NBPF3: variants seen among roughly 807,000 people sequenced by gnomAD.
NBPF3 encodes the protein NBPF family member NBPF3.
Under a neutral mutation model 78.1 loss-of-function variants are expected in NBPF3, and 57 were observed. The observed-to-expected ratio is 0.73, with a 90% CI of 0.59 to 0.91. The LOEUF (loss-of-function observed/expected upper bound fraction) is 0.91, where lower values mean the gene tolerates loss of function less well. NBPF3 is among the 40% of genes least tolerant of loss of function. The pLI is 0.00. For missense variants in NBPF3, 510 were observed against 715.3 expected (o/e 0.71, Z 3.27); for synonymous variants, 182 against 271.7 (o/e 0.67, Z 3.25).
intron 10 of NBPF3, among the ~76,000 whole-genome samples, chr1:21,479,800 C>A (rs1349757268): frequency 2.8e-5 from 2 of 70,410 alleles, no homozygotes; most frequent in African/African-American, 7.3e-5. Flanking sequence ...CTATCTCTCT[C>A]TCTCTCTCTC....
chr1:21,473,286 C>A, intron 6 of NBPF3, 94 bp from the exon 7 acceptor site: 1 of 1,435,410 alleles, frequency 7.0e-7, no homozygotes, highest in South Asian at 1.1e-5. Context: ...GGACCACTCT[C>A]TTAATGCCTC....
At chr1:21,468,317 A>G in intron 2 of NBPF3, 3 of 944,438 alleles carry the variant, frequency 3.2e-6, no homozygotes, top group Non-Finnish European at 4.1e-6. Context: ...AATGATCCCC[A>G]TTGGTGGTGA....
chr1:21,470,715 G>A lies in NBPF3; in HGVS notation c.427G>A (p.Gly143Arg), dbSNP rs764883298. 1.0e-5 allele frequency: 16 copies of A among 1,598,522 alleles called. No individual in the cohort carries two copies. In the Middle Eastern group the frequency reaches 6.7e-4, roughly 67 times the overall value. Residue 143 changes from glycine (G) to arginine (R), a missense_variant, in exon 4 of 15, where the codon GGG becomes AGG. By Grantham distance (125) the Gly-to-Arg change is moderately radical. This residue lies in a region of NBPF3 where 440 missense variants were observed against 478.2 expected (regional missense o/e 0.92). Transcript: ENST00000318249. ...AGAAGAGAAGCTTGCAGAGGAGCTC[G>A]GGCAAGCTGAGGAGCTCAGGTGAGT... ...LTEEKLAEEL[G>R]QAEELRQYKV...
chr1:21,465,004 C>CA lies in NBPF3; in HGVS notation c.134-3660dup, dbSNP rs10531760. 5.7e-3 allele frequency among the ~76,000 whole-genome samples: 563 copies of CA among 98,986 alleles called. 1 individual carries two copies. The highest frequency in any genetic ancestry group is 0.011 in the African/African-American group (262 of 23,980). 64.9% of individuals were successfully genotyped at this position (98,986 alleles called of 152,430 possible). On this transcript the variant is annotated intron_variant, in intron 2 of 14. Coordinates refer to ENST00000318249, the MANE Select transcript of NBPF3 (RefSeq NM_032264.6). ...TGGGTGACAGAATAAGACCCTGTCT[C>CA]AAAAAAAAAAAAAAAAAAAAAAAAG...
intron 1 of NBPF3, among the ~76,000 whole-genome samples, chr1:21,444,690 T>C (rs1640859530): frequency 6.6e-6 from 1 of 152,168 alleles, no homozygotes; most frequent in South Asian, 2.1e-4. Flanking sequence ...CCCGAGTAGC[T>C]GGGACTACAA....
chr1:21,437,303 G>T, upstream of NBPF3: 1 of 416,728 alleles, frequency 2.4e-6, no homozygotes, highest in Non-Finnish European at 4.3e-6. Flanking sequence ...GGGTTTGTCT[G>T]GCATCGGTGG....
intron 2 of NBPF3, among the ~76,000 whole-genome samples, chr1:21,450,813 C>T (rs1422258005): frequency 6.6e-6 from 1 of 152,170 alleles, no homozygotes; most frequent in Admixed American, 6.5e-5. Context: ...CCTCCGTCGA[C>T]CTGTGAAACT....
intron 11 of NBPF3, among the ~76,000 whole-genome samples, 181 bp downstream of exon 11, chr1:21,480,404 C>A (rs1325199909): frequency 8.9e-6 from 1 of 111,968 alleles, no homozygotes; most frequent in Non-Finnish European, 2.2e-5. Flanking sequence ...TGAAATGGGT[C>A]AGTGAGCATG....
At chr1:21,471,129 C>T (rs116128826) in intron 4 of NBPF3, among the ~76,000 whole-genome samples, 220 of 152,298 alleles carry the variant, frequency 1.4e-3, no homozygotes, top group African/African-American at 5.1e-3. Flanking sequence ...GTTACCTTCT[C>T]GAGCCTGTCA....
chr1:21,461,569 TC>T (rs1319110482), intron 2 of NBPF3, among the ~76,000 whole-genome samples: 1 of 152,172 alleles, frequency 6.6e-6, no homozygotes, highest in East Asian at 1.9e-4. Flanking sequence ...CAAAAAATTT[TC>T]CCTGCCTCAG....
rs1235592444 is a variant in NBPF3 at position 21,476,493 on chromosome 1, A to G, written c.992+1542A>G. ...CCTGGTGGTGACAAAACCTCTCAGC[A>G]TTTGCTTGTCTGTAAAGGATTTTAT... is the stretch of plus-strand genomic sequence containing the variant. On this transcript the variant is annotated intron_variant, in intron 8 of 14. Transcript: ENST00000318249. The surrounding 1 kb of genome is among the most constrained non-coding windows in gnomAD (Gnocchi z 4.1). 5.9e-5 allele frequency among the ~76,000 whole-genome samples: 9 copies of G among 152,120 alleles called. No homozygotes were observed. The highest frequency in any genetic ancestry group is 5.9e-4 in the Admixed American group (9 of 15,266).
chr1:21,481,501 T>C, intron 12 of NBPF3, 96 bp from the exon 13 acceptor site: 2 of 1,429,900 alleles, frequency 1.4e-6, no homozygotes, highest in South Asian at 1.4e-5. Context: ...CCTTTTTCTT[T>C]TTTAACCACT....
At position 21,476,437 on chromosome 1, in the gene NBPF3, G is replaced by T. The variant is rs1286266015; in HGVS notation, c.992+1486G>T. On this transcript the variant is annotated intron_variant, in intron 8 of 14. Coordinates refer to ENST00000318249, the MANE Select transcript of NBPF3 (RefSeq NM_032264.6). This position sits in a 1 kb window ranked among gnomAD's most constrained non-coding sequence, Gnocchi z 4.1. ...TACTGGTTGTTCCTTTCCATGTTTA[G>T]TGCTTCCTTCAGGAGCTCTTGCAAG... is the stretch of plus-strand genomic sequence containing the variant. Among the ~76,000 whole-genome samples, 1 of 152,136 alleles carries T rather than the reference G, an allele frequency of 6.6e-6. No homozygotes were observed. Among genetic ancestry groups the T allele is most frequent in the Non-Finnish European group, 1.5e-5 (1 of 68,034 alleles).
At chr1:21,437,499 A>G, upstream of NBPF3, 2 of 1,459,808 alleles carry the variant, frequency 1.4e-6, no homozygotes, top group East Asian at 2.5e-5. Context: ...CGCGAGGTGC[A>G]GCGGCTGCGG....
At chr1:21,454,483 CT>C (rs1392668034) in intron 2 of NBPF3, among the ~76,000 whole-genome samples, 15 of 152,140 alleles carry the variant, frequency 9.9e-5, no homozygotes, top group African/African-American at 3.6e-4. Context: ...CAAGTGTATC[CT>C]GGAAATCTTC....
intron 2 of NBPF3, among the ~76,000 whole-genome samples, chr1:21,465,402 T>G (rs1642204666): frequency 6.6e-6 from 1 of 152,252 alleles, no homozygotes; most frequent in Non-Finnish European, 1.5e-5. Context: ...TGAACTTGTA[T>G]TTGCACTGAC....
intron 2 of NBPF3, among the ~76,000 whole-genome samples, chr1:21,447,896 G>A (rs191755814): frequency 3.9e-4 from 59 of 152,220 alleles, no homozygotes; most frequent in Non-Finnish European, 4.3e-4. Context: ...ATTCCCTAAC[G>A]ACAAATGATT....
At chr1:21,463,304 G>C (rs1466547737) in intron 2 of NBPF3, among the ~76,000 whole-genome samples, 1 of 152,168 alleles carries the variant, frequency 6.6e-6, no homozygotes, top group Non-Finnish European at 1.5e-5. Context: ...TCGGGTTAAG[G>C]CCAAGCTGAA....
chr1:21,476,398 C>CCAA lies in NBPF3; in HGVS notation c.992+1447_992+1448insCAA. Reference sequence around the variant, plus strand: ...GTCTTTACAATTTGGCACGTTTTTGCAGTGGCTGGCTGGTACTGGTTGTTC... The same window carrying CCAA: ...GTCTTTACAATTTGGCACGTTTTTGCCAAAGTGGCTGGCTGGTACTGGTTGTTC... On this transcript the variant is annotated intron_variant, in intron 8 of 14. Coordinates refer to ENST00000318249, the MANE Select transcript of NBPF3 (RefSeq NM_032264.6). This position sits in a 1 kb window ranked among gnomAD's most constrained non-coding sequence, Gnocchi z 4.1. Among the ~76,000 whole-genome samples the CCAA allele has an allele frequency of 6.6e-6, 1 of 152,184 alleles. No homozygotes were observed. The highest frequency in any genetic ancestry group is 1.5e-5 in the Non-Finnish European group (1 of 68,032).
Sources: gnomAD v4.1 joint callset for allele counts (sites outside exome capture counted in the v4.1 genomes callset) on GRCh38, gnomAD v4.1.1 for gene constraint, gnomAD v4.1.1 regional missense constraint, Gnocchi (gnomAD v3.1) non-coding constraint, MANE v1.5 for transcripts, NCBI Gene and HGNC (gene_info 2026-07-23, HGNC 2026-07-21) for gene names.